ZNF148: variants seen among roughly 807,000 people sequenced by gnomAD.
The protein encoded by ZNF148 is Beta-Enolase Repressor Factor-1.
A neutral mutation model predicts 67.7 loss-of-function variants in ZNF148; 7 were observed. The ratio of observed to expected loss-of-function variants is 0.10; its 90% CI spans 0.06 to 0.19. ZNF148 has a LOEUF of 0.19. Among genes scored for constraint, ZNF148 ranks in the 10% least tolerant of loss-of-function variants. The pLI is 1.00. For synonymous variants in ZNF148, 333 were observed against 330.7 expected, an observed-to-expected ratio of 1.01 and a Z score of -0.08; for missense variants, 583 against 947.1, an observed-to-expected ratio of 0.62 and a Z score of 5.05.
At chr3:125,327,015 G>A (rs1411078649) in intron 2 of ZNF148, among the ~76,000 whole-genome samples, 1 of 151,642 alleles carries the variant, frequency 6.6e-6, no homozygotes, top group Admixed American at 6.6e-5. Context: ...ACTATATGCT[G>A]TCAACAAGAC....
chr3:125,296,711 A>C (rs912645831), intron 4 of ZNF148, among the ~76,000 whole-genome samples: 3 of 152,176 alleles, frequency 2.0e-5, no homozygotes, highest in Non-Finnish European at 4.4e-5. Flanking sequence ...TTATAACAGT[A>C]AGAAAAGGGT....
At chr3:125,329,207 C>G (rs1259798478) in intron 2 of ZNF148, among the ~76,000 whole-genome samples, 2 of 148,804 alleles carry the variant, frequency 1.3e-5, no homozygotes, top group African/African-American at 4.9e-5. Context: ...TGGAAAAACA[C>G]ATATATATCT....
rs967022355 is a variant in ZNF148 at position 125,337,202 on chromosome 3, C to T, written c.-233-5964G>A. 3.3e-5 allele frequency among the ~76,000 whole-genome samples: 5 copies of T among 152,244 alleles called. No homozygotes were observed. In the South Asian group the frequency reaches 1.0e-3, roughly 32 times the overall value. Reference sequence around the variant, plus strand: ...CCTACCCTTGACCTTTTCAAATCAACTACCCAATACACATTTGTCAAACAA... The same window carrying T: ...CCTACCCTTGACCTTTTCAAATCAATTACCCAATACACATTTGTCAAACAA... On this transcript the variant is annotated intron_variant, in intron 1 of 8. Coordinates refer to ENST00000360647, the MANE Select transcript of ZNF148 (RefSeq NM_021964.3).
intron 5 of ZNF148, among the ~76,000 whole-genome samples, chr3:125,285,053 T>G (rs191512316): frequency 6.6e-6 from 1 of 152,340 alleles, no homozygotes; most frequent in Admixed American, 6.5e-5. Flanking sequence ...GTTTATAAGC[T>G]CTGATGTTTT....
chr3:125,351,600 A>T (rs1942155889), intron 1 of ZNF148, among the ~76,000 whole-genome samples: 1 of 152,194 alleles, frequency 6.6e-6, no homozygotes, highest in Admixed American at 6.5e-5. Flanking sequence ...AAAAGACACT[A>T]TCAAGAAAGT....
chr3:125,269,580 C>A (rs1360516762), intron 7 of ZNF148, among the ~76,000 whole-genome samples: 2 of 151,962 alleles, frequency 1.3e-5, no homozygotes, highest in African/African-American at 4.8e-5. Context: ...ACAAAACTAC[C>A]ATTTGACCCA....
chr3:125,234,602 G>A (rs1936000292), intron 7 of ZNF148, among the ~76,000 whole-genome samples: 1 of 152,124 alleles, frequency 6.6e-6, no homozygotes. Context: ...GGAATTTATA[G>A]CAATATGAAC....
intron 7 of ZNF148, among the ~76,000 whole-genome samples, chr3:125,239,395 T>A (rs1053301296): frequency 1.3e-5 from 2 of 152,144 alleles, no homozygotes; most frequent in African/African-American, 4.8e-5. Flanking sequence ...AAAGAAGATA[T>A]ACAAATGACC....
At chr3:125,249,870 G>T (rs1936764055) in intron 7 of ZNF148, among the ~76,000 whole-genome samples, 1 of 152,172 alleles carries the variant, frequency 6.6e-6, no homozygotes, top group South Asian at 2.1e-4. Context: ...CCTGTCATTT[G>T]TGACAATGTG....
At position 125,332,123 on chromosome 3, in the gene ZNF148, A is replaced by T. The variant is rs1224361130; in HGVS notation, c.-233-885T>A. On this transcript the variant is annotated intron_variant, in intron 1 of 8. Transcript: ENST00000360647. ...GAAAATAACCAAGTACATCAATTCA[A>T]GGCTGTATTTACATATGCTTTATCA... Among the ~76,000 whole-genome samples, 11 of 152,220 alleles carry T rather than the reference A, an allele frequency of 7.2e-5. No homozygotes were observed. In the East Asian group the frequency reaches 2.1e-3, roughly 29 times the overall value.
intron 1 of ZNF148, among the ~76,000 whole-genome samples, chr3:125,349,582 A>C (rs762509702): frequency 5.9e-5 from 9 of 152,214 alleles, no homozygotes; most frequent in Admixed American, 1.3e-4. Context: ...AAACTAACAG[A>C]TGTTGGTGAG....
intron 4 of ZNF148, among the ~76,000 whole-genome samples, chr3:125,304,478 C>T (rs1416292424): frequency 2.0e-5 from 3 of 152,046 alleles, no homozygotes; most frequent in Non-Finnish European, 4.4e-5. Context: ...AGAAAGGTAT[C>T]CACGCAGGGC....
intron 4 of ZNF148, among the ~76,000 whole-genome samples, chr3:125,296,410 ACCATGC>A (rs754194760): frequency 7.1e-4 from 108 of 152,176 alleles, no homozygotes; most frequent in Non-Finnish European, 1.2e-3. Flanking sequence ...GGCGTGAGCC[ACCATGC>A]CCAGCCAATG....
chr3:125,299,344 A>C (rs369701675), intron 4 of ZNF148, among the ~76,000 whole-genome samples: 10 of 152,218 alleles, frequency 6.6e-5, no homozygotes, highest in African/African-American at 1.4e-4. Flanking sequence ...CTATATTAAG[A>C]GTGTTAGGAG....
At chr3:125,298,610 T>TA (rs1478535316) in intron 4 of ZNF148, among the ~76,000 whole-genome samples, 1 of 149,410 alleles carries the variant, frequency 6.7e-6, no homozygotes, top group African/African-American at 2.5e-5. Flanking sequence ...ATTGTACATT[T>TA]ATATTAAATT....
In ZNF148 at chr3:125,344,474, C is replaced by T. The variant is rs1384570245; in HGVS notation, c.-233-13236G>A. 2.8e-6 allele frequency: 3 copies of T among 1,084,658 alleles called. No individual in the cohort carries two copies. The African/African-American group carries it at 4.6e-5, about 17-fold the overall frequency. The allele number at this position is 1,084,658 out of a possible 1,614,324, so 67.2% of individuals were successfully genotyped here. ...CAAAGAAGTCAAATAAAAATGGGTC[C>T]CTTCCACCAAAAAAATTCCCTGAAG... On this transcript the variant is annotated intron_variant, in intron 1 of 8. Transcript: ENST00000360647.
At chr3:125,280,706 C>T (rs1041517304) in intron 5 of ZNF148, among the ~76,000 whole-genome samples, 2 of 133,058 alleles carry the variant, frequency 1.5e-5, no homozygotes, top group Non-Finnish European at 3.2e-5. Flanking sequence ...TGCCTTTCAT[C>T]AGACATGTGG....
intron 1 of ZNF148, among the ~76,000 whole-genome samples, chr3:125,352,424 C>G (rs1056994592): frequency 6.6e-6 from 1 of 152,088 alleles, no homozygotes; most frequent in Non-Finnish European, 1.5e-5. Flanking sequence ...TGGGTAGTTT[C>G]TTTTTAGGGT....
intron 7 of ZNF148, among the ~76,000 whole-genome samples, chr3:125,246,816 A>C (rs1201509545): frequency 6.6e-6 from 1 of 152,208 alleles, no homozygotes; most frequent in African/African-American, 2.4e-5. Context: ...AAACAATGAC[A>C]ATTACTAAAA....
Sources: gnomAD v4.1 joint callset for allele counts (sites outside exome capture counted in the v4.1 genomes callset) on GRCh38, gnomAD v4.1.1 for gene constraint, MANE v1.5 for transcripts, NCBI Gene and HGNC (gene_info 2026-07-23, HGNC 2026-07-21) for gene names.